The following EXOC6 variants were observed in gnomAD, a reference collection of about 807,000 sequenced individuals.
EXOC6 encodes exocyst complex component 6.
A neutral mutation model predicts 112.5 loss-of-function variants in EXOC6; 60 were observed. The observed-to-expected ratio is 0.53, with a 90% CI of 0.43 to 0.66. The LOEUF (loss-of-function observed/expected upper bound fraction) is 0.66. EXOC6 is among the 30% of genes least tolerant of loss of function. EXOC6 has a pLI of 0.00. For synonymous variants in EXOC6, 295 were observed against 308.0 expected, an observed-to-expected ratio of 0.96 and a Z score of 0.44; for missense variants, 855 against 957.1, an observed-to-expected ratio of 0.89 and a Z score of 1.41.
intron 13 of EXOC6, among the ~76,000 whole-genome samples, chr10:92,941,645 A>T (rs1194161016): frequency 6.6e-6 from 1 of 152,182 alleles, no homozygotes; most frequent in Non-Finnish European, 1.5e-5. Context: ...TGTATTAGAG[A>T]CAGAAATTTA....
intron 4 of EXOC6, among the ~76,000 whole-genome samples, chr10:92,896,147 G>GTGTATATATATATA (rs1432410468): frequency 4.1e-5 from 1 of 24,486 alleles, no homozygotes; most frequent in African/African-American, 2.3e-4. Flanking sequence ...GTATGTATGT[G>GTGTATATATATATA]TATATATATA....
At chr10:92,982,260 A>T (rs1358274484) in intron 18 of EXOC6, among the ~76,000 whole-genome samples, 1 of 152,104 alleles carries the variant, frequency 6.6e-6, no homozygotes, top group Non-Finnish European at 1.5e-5. Context: ...GCTGTCCATT[A>T]AAAAAAATCT....
rs140812894 is a variant in EXOC6, at chr10:92,989,925, G to A, written c.1954-7549G>A. 2.4e-3 allele frequency among the ~76,000 whole-genome samples: 369 copies of A among 152,278 alleles called. 3 individuals are homozygous for A. Among genetic ancestry groups the A allele is most frequent in the African/African-American group, 8.4e-3 (348 of 41,564 alleles). Reference sequence around the variant, plus strand: ...TGTAGTTATTTCTGTGGGAATCAAAGTGGTATTTCTATGACATATTTTGAT... The same window carrying A: ...TGTAGTTATTTCTGTGGGAATCAAAATGGTATTTCTATGACATATTTTGAT... On this transcript the variant is annotated intron_variant, in intron 18 of 21. Coordinates refer to ENST00000260762, the MANE Select transcript of EXOC6 (RefSeq NM_019053.6).
At chr10:92,985,809 GAAAA>G (rs975714146) in intron 18 of EXOC6, among the ~76,000 whole-genome samples, 48 of 152,042 alleles carry the variant, frequency 3.2e-4, no homozygotes, top group African/African-American at 1.1e-3. Context: ...AACTGTAAAG[GAAAA>G]AGGTAGTAGT....
intron 18 of EXOC6, among the ~76,000 whole-genome samples, chr10:92,990,379 A>G (rs1261461992): frequency 3.3e-5 from 5 of 152,336 alleles, no homozygotes; most frequent in African/African-American, 9.6e-5. Context: ...CTGATGTCAA[A>G]CATTGCAGAA....
chr10:93,053,699 C>T (rs539336246), intron 20 of EXOC6, among the ~76,000 whole-genome samples: 1 of 152,310 alleles, frequency 6.6e-6, no homozygotes, highest in African/African-American at 2.4e-5. Context: ...CCCAAGGAAA[C>T]TTGGAATAAT....
At chr10:93,027,332 G>A (rs547179139) in intron 20 of EXOC6, among the ~76,000 whole-genome samples, 1 of 152,326 alleles carries the variant, frequency 6.6e-6, no homozygotes, top group South Asian at 2.1e-4. Flanking sequence ...AGCAGCAAGT[G>A]CTAATGGAGA....
intron 17 of EXOC6, among the ~76,000 whole-genome samples, chr10:92,973,537 T>C (rs1044664027): frequency 1.3e-5 from 2 of 152,360 alleles, no homozygotes; most frequent in African/African-American, 4.8e-5. Flanking sequence ...CCCGCTGTTA[T>C]TTTTGCTGGC....
chr10:92,895,019 T>G lies in EXOC6; in HGVS notation c.411T>G (p.Pro137=). ...TVVEKLQLCL[P]VLEMYSKLKE... ...TAGAAAAATTGCAGTTATGCCTTCC[T>G]GGTGAGTTAAACTTGTCTATAATAA... Residue 137 remains proline (P), a splice_region_variant and synonymous_variant, in exon 4 of 22, where the codon CCT becomes CCG. Coordinates refer to ENST00000260762, the MANE Select transcript of EXOC6 (RefSeq NM_019053.6). 6.3e-7 allele frequency: 1 copy of G among 1,583,438 alleles called. No homozygotes were observed. Among genetic ancestry groups the G allele is most frequent in the Non-Finnish European group, 8.7e-7 (1 of 1,152,638 alleles).
chr10:92,887,805 C>A (rs897325517), intron 1 of EXOC6, among the ~76,000 whole-genome samples: 2 of 152,134 alleles, frequency 1.3e-5, no homozygotes, highest in Non-Finnish European at 2.9e-5. Context: ...TTTCTAGGGC[C>A]AGCATTCTAT....
At chr10:92,843,976 CAAAAA>C (rs34641974), upstream of EXOC6, among the ~76,000 whole-genome samples, 2 of 37,896 alleles carry the variant, frequency 5.3e-5, no homozygotes, top group Admixed American at 3.8e-4. Flanking sequence ...GACTCTGTCT[CAAAAA>C]AAAAAAAAAA....
chr10:92,849,200 C>T (rs963941594), intron 1 of EXOC6, among the ~76,000 whole-genome samples: 5 of 149,332 alleles, frequency 3.3e-5, no homozygotes, highest in Non-Finnish European at 7.4e-5. Context: ...GAGAAGAGAG[C>T]GTGGGCTGGA....
chr10:92,901,553 G>T (rs1453454739), intron 5 of EXOC6: 1 of 148,186 alleles, frequency 6.7e-6, no homozygotes, highest in Non-Finnish European at 1.5e-5. Flanking sequence ...GCCAATTCCT[G>T]TGTCTTTGTC....
At chr10:92,980,058 C>G (rs867512209) in intron 18 of EXOC6, among the ~76,000 whole-genome samples, 9 of 152,026 alleles carry the variant, frequency 5.9e-5, no homozygotes, top group South Asian at 4.1e-4. Flanking sequence ...AAATATTTTC[C>G]CATTACCCAA....
chr10:92,838,567 A>C (rs1398602447), intron 1 of EXOC6, among the ~76,000 whole-genome samples: 1 of 152,204 alleles, frequency 6.6e-6, no homozygotes, highest in Non-Finnish European at 1.5e-5. Flanking sequence ...ACTTTTCCCA[A>C]GGTTTATTTG....
chr10:92,932,658 G>C (rs553696032), intron 9 of EXOC6, among the ~76,000 whole-genome samples: 1 of 152,090 alleles, frequency 6.6e-6, no homozygotes, highest in African/African-American at 2.4e-5. Context: ...ACTAAGACAC[G>C]CTTACTAAGG....
At chr10:92,928,287 G>T (rs1444611705) in intron 8 of EXOC6, 52 bp from the exon 9 acceptor site, 2 of 972,526 alleles carry the variant, frequency 2.1e-6, no homozygotes, top group East Asian at 5.0e-5. Flanking sequence ...ATCTGTTTTA[G>T]TTGTATGTGT....
chr10:93,050,759 C>CAAAAAAAAAAAAA (rs58439083), intron 20 of EXOC6, among the ~76,000 whole-genome samples: 2,205 of 37,274 alleles, frequency 0.059, 809 homozygotes, highest in Admixed American at 0.091. Context: ...GACTCCGTCT[C>CAAAAAAAAAAAAA]AAAAAAAAAA....
At chr10:93,046,991 C>A (rs186392037) in intron 20 of EXOC6, among the ~76,000 whole-genome samples, 1 of 152,222 alleles carries the variant, frequency 6.6e-6, no homozygotes, top group Non-Finnish European at 1.5e-5. Context: ...GGATAAGGTG[C>A]AAGAGAGCTT....
Sources: allele counts gnomAD v4.1 joint callset (sites outside exome capture counted in the v4.1 genomes callset), GRCh38; gene constraint gnomAD v4.1.1; transcripts MANE v1.5; gene names NCBI Gene and HGNC (gene_info 2026-07-23, HGNC 2026-07-21).